ARHGAP10: variants seen among roughly 807,000 people sequenced by gnomAD.
The protein encoded by ARHGAP10 is Rho GTPase activating protein 10.
Under a neutral mutation model 108.6 loss-of-function variants are expected in ARHGAP10, and 87 were observed. The ratio of observed to expected loss-of-function variants is 0.80; its 90% confidence interval spans 0.67 to 0.96. ARHGAP10 has a LOEUF of 0.96. Among genes scored for constraint, ARHGAP10 ranks in the 40% least tolerant of loss-of-function variants. ARHGAP10 has a pLI of 0.00. For missense variants in ARHGAP10, 939 were observed against 954.5 expected (o/e 0.98, Z 0.21); for synonymous variants, 347 against 341.1 (o/e 1.02, Z -0.19).
At chr4:147,940,167 G>A (rs1170626027) in intron 14 of ARHGAP10, among the ~76,000 whole-genome samples, 1 of 152,218 alleles carries the variant, frequency 6.6e-6, no homozygotes, top group Admixed American at 6.5e-5. Context: ...TCACAGGGAA[G>A]TGGCAGTCAG....
At chr4:148,062,011 G>C (rs1019179112) in intron 20 of ARHGAP10, among the ~76,000 whole-genome samples, 1 of 152,158 alleles carries the variant, frequency 6.6e-6, no homozygotes, top group Non-Finnish European at 1.5e-5. Context: ...AGCAGGGCGG[G>C]GAGCTTGAGA....
At chr4:147,858,494 CTGTG>C (rs1005948822) in intron 5 of ARHGAP10, 11 of 152,192 alleles carry the variant, frequency 7.2e-5, no homozygotes, top group Non-Finnish European at 1.2e-4. Context: ...GTTACATACT[CTGTG>C]TGTGTATGGT....
intron 1 of ARHGAP10, among the ~76,000 whole-genome samples, chr4:147,785,001 T>C (rs60902361): frequency 0.016 from 2,203 of 133,896 alleles, 62 homozygotes; most frequent in African/African-American, 0.059. Context: ...TATTATGAAA[T>C]ATATGTTATA....
intron 13 of ARHGAP10, among the ~76,000 whole-genome samples, chr4:147,934,176 C>G (rs578039312): frequency 7.6e-4 from 116 of 152,316 alleles, no homozygotes; most frequent in Non-Finnish European, 1.4e-3. Flanking sequence ...CCTTTTGGAC[C>G]CCTTGGCAGA....
intron 1 of ARHGAP10, among the ~76,000 whole-genome samples, chr4:147,747,064 C>G (rs1236145398): frequency 6.6e-6 from 1 of 152,052 alleles, no homozygotes; most frequent in Admixed American, 6.5e-5. Context: ...TTTGGGTAAA[C>G]AACCCTCATG....
chr4:148,057,946 A>G (rs1430502181), intron 20 of ARHGAP10, among the ~76,000 whole-genome samples: 5 of 151,926 alleles, frequency 3.3e-5, no homozygotes, highest in African/African-American at 7.3e-5. Flanking sequence ...TTCTCCCCCA[A>G]CGCCGTGGGT....
intron 13 of ARHGAP10, among the ~76,000 whole-genome samples, chr4:147,922,674 C>T (rs1385465856): frequency 3.4e-5 from 4 of 118,714 alleles, no homozygotes; most frequent in Non-Finnish European, 3.4e-5. Flanking sequence ...GGCGACAGAG[C>T]GAGACTCCGT....
chr4:148,035,353 T>A (rs1366280237), intron 19 of ARHGAP10, among the ~76,000 whole-genome samples: 1 of 152,156 alleles, frequency 6.6e-6, no homozygotes, highest in Non-Finnish European at 1.5e-5. Context: ...AGTTCAGGAG[T>A]TGCCTTTTTA....
chr4:147,801,361 T>C (rs996564110), intron 1 of ARHGAP10, among the ~76,000 whole-genome samples: 29 of 152,320 alleles, frequency 1.9e-4, no homozygotes, highest in African/African-American at 6.0e-4. Flanking sequence ...AAGACTTCTC[T>C]ATAAGAAAAG....
At chr4:147,906,593 T>C (rs374380556) in intron 10 of ARHGAP10, 45 bp from the exon 11 acceptor site, 2 of 1,598,176 alleles carry the variant, frequency 1.3e-6, no homozygotes, top group Non-Finnish European at 1.7e-6. Flanking sequence ...AAACTTGCCT[T>C]TTAGTGGCCA....
Position 147,801,130 on chromosome 4 carries a change from T to C in ARHGAP10, c.155-21597T>C, listed in dbSNP as rs138123466. ...CTTATTCATTCTTAGATGTTGGAAT[T>C]TTAAAAAGCAATGAAAAATGTCAGC... On this transcript the variant is annotated intron_variant, in intron 1 of 22. Transcript: ENST00000336498. Among the ~76,000 whole-genome samples, 895 of 152,318 alleles carry C rather than the reference T, an allele frequency of 5.9e-3. 8 individuals carry two copies. The highest frequency in any genetic ancestry group is 0.02 in the African/African-American group (836 of 41,556).
intron 20 of ARHGAP10, among the ~76,000 whole-genome samples, chr4:148,055,236 G>A (rs1335507017): frequency 3.3e-5 from 5 of 152,214 alleles, no homozygotes; most frequent in Non-Finnish European, 5.9e-5. Context: ...ATTAGATGGT[G>A]ATGTCCTTTC....
At chr4:147,789,434 C>T (rs1010130817) in intron 1 of ARHGAP10, among the ~76,000 whole-genome samples, 1 of 152,178 alleles carries the variant, frequency 6.6e-6, no homozygotes, top group African/African-American at 2.4e-5. Flanking sequence ...GTATTACAGG[C>T]ATGTGCCACC....
chr4:147,904,220 T>C (rs1736362632), intron 10 of ARHGAP10, among the ~76,000 whole-genome samples: 1 of 152,096 alleles, frequency 6.6e-6, no homozygotes, highest in Non-Finnish European at 1.5e-5. Flanking sequence ...CATCTTTTCT[T>C]TCTTTCTTTC....
chr4:147,865,037 T>C, intron 6 of ARHGAP10, 81 bp downstream of exon 6: 1 of 1,245,704 alleles, frequency 8.0e-7, no homozygotes, highest in Non-Finnish European at 1.1e-6. Context: ...ATTTATGGTT[T>C]ATAGTTACTA....
At chr4:147,738,631 G>A (rs1578984268) in intron 1 of ARHGAP10, among the ~76,000 whole-genome samples, 1 of 152,094 alleles carries the variant, frequency 6.6e-6, no homozygotes, top group East Asian at 1.9e-4. Context: ...AAAGCATTTA[G>A]TATAAGTGCT....
At chr4:148,071,784 C>T (rs769749917) in intron 22 of ARHGAP10, among the ~76,000 whole-genome samples, 1 of 152,124 alleles carries the variant, frequency 6.6e-6, no homozygotes, top group Non-Finnish European at 1.5e-5. Context: ...AGTTAGGAGG[C>T]TGCTTTGGGA....
At chr4:147,848,558 T>A (rs1258805975) in intron 4 of ARHGAP10, among the ~76,000 whole-genome samples, 1 of 152,276 alleles carries the variant, frequency 6.6e-6, no homozygotes, top group Non-Finnish European at 1.5e-5. Flanking sequence ...TGTGTCTCTT[T>A]AAGCTCTTTA....
intron 13 of ARHGAP10, among the ~76,000 whole-genome samples, chr4:147,924,971 A>ATT (rs34560317): frequency 6.8e-6 from 1 of 147,118 alleles, no homozygotes; most frequent in Non-Finnish European, 1.5e-5. Context: ...AGAACTTTCT[A>ATT]TTTTTTTTTT....
Sources: gnomAD v4.1 joint callset for allele counts (sites outside exome capture counted in the v4.1 genomes callset) on GRCh38, gnomAD v4.1.1 for gene constraint, MANE v1.5 for transcripts, NCBI Gene and HGNC (gene_info 2026-07-23, HGNC 2026-07-21) for gene names.